BMP6: variants seen among roughly 807,000 people sequenced by gnomAD.
The protein encoded by BMP6 is bone morphogenetic protein 6.
Under a neutral mutation model 54.1 loss-of-function variants are expected in BMP6, and 17 were observed. The observed-to-expected ratio is 0.31, with a 90% CI of 0.22 to 0.47. The LOEUF (loss-of-function observed/expected upper bound fraction) is 0.47, where lower values mean the gene tolerates loss of function less well. Ranked by LOEUF, BMP6 falls within the 20% of genes least tolerant of loss-of-function variation. The pLI is 1.00. For synonymous variants in BMP6, 328 were observed against 291.2 expected (o/e 1.13, Z -1.28); for missense variants, 720 against 690.4 (o/e 1.04, Z -0.48).
At chr6:7,805,153 C>T (rs898704798) in intron 1 of BMP6, among the ~76,000 whole-genome samples, 20 of 152,266 alleles carry the variant, frequency 1.3e-4, no homozygotes, top group African/African-American at 3.4e-4. Flanking sequence ...TCTATTAGAT[C>T]CAGTAGACAG....
At chr6:7,747,873 T>G (rs187713826) in intron 1 of BMP6, among the ~76,000 whole-genome samples, 9 of 151,922 alleles carry the variant, frequency 5.9e-5, no homozygotes, top group Non-Finnish European at 1.3e-4. Flanking sequence ...CATGAACTCC[T>G]GGCCTCAAGC....
At chr6:7,835,020 C>T (rs111517353) in intron 1 of BMP6, among the ~76,000 whole-genome samples, 133 of 152,284 alleles carry the variant, frequency 8.7e-4, no homozygotes, top group African/African-American at 3.1e-3. Context: ...TAAAAAGAAA[C>T]ACACAAGTAG....
At chr6:7,809,265 G>A (rs1758401270) in intron 1 of BMP6, among the ~76,000 whole-genome samples, 1 of 152,188 alleles carries the variant, frequency 6.6e-6, no homozygotes, top group Non-Finnish European at 1.5e-5. Context: ...GTGGGAAATA[G>A]ATATCATGTG....
chr6:7,727,822 G>A (rs1180072740), intron 1 of BMP6, among the ~76,000 whole-genome samples: 1 of 151,412 alleles, frequency 6.6e-6, no homozygotes, highest in Admixed American at 6.6e-5. Context: ...CGCGGGCAGG[G>A]CTGCGCGCCG....
chr6:7,761,832 C>A (rs1757618142), intron 1 of BMP6, among the ~76,000 whole-genome samples: 1 of 152,180 alleles, frequency 6.6e-6, no homozygotes, highest in Non-Finnish European at 1.5e-5. Context: ...TTGTTATTGT[C>A]TCATTGCCCC....
At chr6:7,876,918 ATTGTTTTGTT>A (rs775422024) in intron 4 of BMP6, among the ~76,000 whole-genome samples, 2 of 134,388 alleles carry the variant, frequency 1.5e-5, no homozygotes, top group African/African-American at 2.8e-5. Flanking sequence ...TAGTTTTGTT[ATTGTTTTGTT>A]TTGTTTTGGT....
chr6:7,775,107 A>G (rs1007253927), intron 1 of BMP6, among the ~76,000 whole-genome samples: 3 of 152,314 alleles, frequency 2.0e-5, no homozygotes, highest in Middle Eastern at 3.4e-3. Context: ...ATCACCTCTT[A>G]AAGGTCCCGC....
In BMP6 at chr6:7,793,603, G is replaced by A. The variant is rs139471594; in HGVS notation, c.665-51537G>A. ...TGGTGCAGGATGTTGATATGGGGGAGGCTGTGCTTGGTGGGAGGCAGACAG... is the reference window on the plus strand; with the variant it reads ...TGGTGCAGGATGTTGATATGGGGGAAGCTGTGCTTGGTGGGAGGCAGACAG... On this transcript the variant is annotated intron_variant, in intron 1 of 6. Coordinates refer to ENST00000283147, the MANE Select transcript of BMP6 (RefSeq NM_001718.6). Among the ~76,000 whole-genome samples, 474 of 152,288 alleles carry A rather than the reference G, an allele frequency of 3.1e-3. 4 individuals are homozygous for A. The highest frequency in any genetic ancestry group is 0.011 in the African/African-American group (450 of 41,546).
intron 1 of BMP6, among the ~76,000 whole-genome samples, chr6:7,795,982 C>T (rs185543750): frequency 3.2e-4 from 48 of 152,162 alleles, no homozygotes; most frequent in Middle Eastern, 3.4e-3. Context: ...ATAGCAAGTA[C>T]GCAGTTGGAG....
At chr6:7,868,950 C>T (rs1759475723) in intron 4 of BMP6, among the ~76,000 whole-genome samples, 1 of 152,210 alleles carries the variant, frequency 6.6e-6, no homozygotes, top group Non-Finnish European at 1.5e-5. Context: ...TCTCCCCTGC[C>T]TTTGTTTCCC....
chr6:7,764,309 G>A (rs561713071), intron 1 of BMP6, among the ~76,000 whole-genome samples: 4 of 152,322 alleles, frequency 2.6e-5, no homozygotes, highest in Admixed American at 2.0e-4. Context: ...GGTGGTGGAA[G>A]GGAACTTGTA....
chr6:7,859,734 TCAA>T (rs1759305790), intron 2 of BMP6, among the ~76,000 whole-genome samples: 1 of 152,034 alleles, frequency 6.6e-6, no homozygotes, highest in Non-Finnish European at 1.5e-5. Context: ...GGGTAATTTG[TCAA>T]CAGGGGATGT....
intron 4 of BMP6, 137 bp downstream of exon 4, chr6:7,862,635 G>A (rs1000880099): frequency 8.9e-7 from 1 of 1,126,392 alleles, no homozygotes; most frequent in African/African-American, 1.5e-5. Context: ...ATGCATGATG[G>A]TACCTTGTAC....
At chr6:7,868,319 C>G (rs556217640) in intron 4 of BMP6, among the ~76,000 whole-genome samples, 1 of 152,284 alleles carries the variant, frequency 6.6e-6, no homozygotes, top group African/African-American at 2.4e-5. Context: ...CCACCCCCAC[C>G]CCAGCCCTAT....
intron 1 of BMP6, among the ~76,000 whole-genome samples, chr6:7,811,465 G>A (rs2038585): frequency 0.76 from 116,282 of 152,070 alleles, 44,764 homozygotes; most frequent in East Asian, 0.99. Flanking sequence ...TCCGCCTTTC[G>A]ACTGGTTGCT....
intron 1 of BMP6, among the ~76,000 whole-genome samples, chr6:7,730,345 T>G (rs1761830071): frequency 6.6e-6 from 1 of 152,188 alleles, no homozygotes; most frequent in African/African-American, 2.4e-5. Context: ...TTAAGAGAAC[T>G]CACCCAGTAG....
At chr6:7,863,568 G>A (rs1214122212) in intron 4 of BMP6, among the ~76,000 whole-genome samples, 2 of 152,142 alleles carry the variant, frequency 1.3e-5, no homozygotes, top group African/African-American at 2.4e-5. Flanking sequence ...GCACACTGCT[G>A]GGTGGGGAGT....
At chr6:7,746,196 C>G (rs976591076) in intron 1 of BMP6, among the ~76,000 whole-genome samples, 1 of 152,316 alleles carries the variant, frequency 6.6e-6, no homozygotes, top group South Asian at 2.1e-4. Flanking sequence ...TGAGTGGCTA[C>G]TGGTGCTGGC....
intron 1 of BMP6, among the ~76,000 whole-genome samples, chr6:7,791,110 C>T (rs1758098981): frequency 6.6e-6 from 1 of 152,178 alleles, no homozygotes. Flanking sequence ...CCCTTGACTC[C>T]CTTGCCTCTG....
Sources: allele counts gnomAD v4.1 joint callset (sites outside exome capture counted in the v4.1 genomes callset), GRCh38; gene constraint gnomAD v4.1.1; transcripts MANE v1.5; gene names NCBI Gene and HGNC (gene_info 2026-07-23, HGNC 2026-07-21).